The following MKX variants were observed in gnomAD, a reference collection of about 807,000 sequenced individuals.
The protein encoded by MKX is homeobox protein Mohawk.
Under a neutral mutation model 36.0 loss-of-function variants are expected in MKX, and 13 were observed. That is an observed-to-expected ratio of 0.36 (90% confidence interval 0.24 to 0.57). MKX has a LOEUF of 0.57. Among genes scored for constraint, MKX ranks in the 20% least tolerant of loss-of-function variants. The pLI is 0.79. For missense variants in MKX, 458 were observed against 456.4 expected, an observed-to-expected ratio of 1.00 and a Z score of -0.03; for synonymous variants, 176 against 178.3, an observed-to-expected ratio of 0.99 and a Z score of 0.10.
In MKX at chr10:27,720,323, A is replaced by G. The variant is rs1047566864; in HGVS notation, c.838+14133T>C. Among the ~76,000 whole-genome samples the G allele has an allele frequency of 2.1e-5, 3 of 145,324 alleles. No homozygotes were observed. In the South Asian group the frequency reaches 6.6e-4, roughly 32 times the overall value. On this transcript the variant is annotated intron_variant, in intron 5 of 6. Coordinates refer to ENST00000419761, the MANE Select transcript of MKX (RefSeq NM_173576.3). ...AAAACTGTGCAAGGAGACCATTAGG[A>G]AAAAAAAAAAGAAAGCTAAAGACAA...
chr10:27,735,505 G>A (rs1158617375), intron 3 of MKX, 131 bp from the exon 4 acceptor site: 10 of 625,606 alleles, frequency 1.6e-5, no homozygotes, highest in East Asian at 3.1e-5. Context: ...TAAGAATACC[G>A]GACATTCGCA....
chr10:27,700,811 C>A (rs1029017946), intron 5 of MKX, among the ~76,000 whole-genome samples: 1 of 152,116 alleles, frequency 6.6e-6, no homozygotes, highest in Non-Finnish European at 1.5e-5. Flanking sequence ...GAAAAATCAT[C>A]CACTAAACAC....
chr10:27,721,378 A>G (rs1016139473), intron 5 of MKX, among the ~76,000 whole-genome samples: 3 of 152,232 alleles, frequency 2.0e-5, no homozygotes, highest in African/African-American at 7.2e-5. Context: ...ACCAACCCAA[A>G]TGCCCATCAA....
chr10:27,683,382 T>A (rs1431696090), intron 5 of MKX, among the ~76,000 whole-genome samples: 1 of 152,280 alleles, frequency 6.6e-6, no homozygotes. Flanking sequence ...GCAGCCTCGG[T>A]ATGCAGAAGG....
rs1380343126 is a variant in MKX at position 27,742,890 on chromosome 10, C to T, written c.188+338G>A. On this transcript the variant is annotated intron_variant, in intron 2 of 6. Coordinates refer to ENST00000419761, the MANE Select transcript of MKX (RefSeq NM_173576.3). This position sits in a 1 kb window ranked among gnomAD's most constrained non-coding sequence, Gnocchi z 4.2. Reference sequence around the variant, plus strand: ...TCTGCACCGAGCTCAGTCCTTTTTCCTCGCCCTCAGCCGCGCACCGGCACC... The same window carrying T: ...TCTGCACCGAGCTCAGTCCTTTTTCTTCGCCCTCAGCCGCGCACCGGCACC... Among the ~76,000 whole-genome samples, 1 of 152,154 alleles carries T rather than the reference C, an allele frequency of 6.6e-6. No individual in the cohort carries two copies. Among genetic ancestry groups the T allele is most frequent in the Non-Finnish European group, 1.5e-5 (1 of 68,018 alleles).
intron 5 of MKX, chr10:27,718,564 A>T (rs757162939): frequency 3.8e-5 from 17 of 444,872 alleles, no homozygotes; most frequent in South Asian, 2.4e-4. Context: ...AAAAAATCCC[A>T]GGAGTCCTCA....
Position 27,673,286 on chromosome 10 carries a change from A to T in MKX, c.*1943T>A, listed in dbSNP as rs1224864038. ...ATAGAAGAAATTTGCTGATTTTTTT[A>T]AAAAGATGGCAAACATGAATCATGA... is the stretch of plus-strand genomic sequence containing the variant. On this transcript the variant is annotated 3_prime_UTR_variant, in exon 7 of 7. Transcript: ENST00000419761. The T allele has an allele frequency of 2.6e-5, 4 of 152,528 alleles. No homozygotes were observed. The highest frequency in any genetic ancestry group is 6.5e-5 in the Admixed American group (1 of 15,280). The allele number at this position is 152,528 out of a possible 1,614,324, so 9.4% of individuals were successfully genotyped here.
rs147508275 is a variant in MKX at position 27,736,006 on chromosome 10, G to A, written c.349-632C>T. ...TTTCTGAGGATAAAATGATGTGTTT[G>A]GCTTGGGCAATGTCTAGTTTGAGGT... On this transcript the variant is annotated intron_variant, in intron 3 of 6. Coordinates refer to ENST00000419761, the MANE Select transcript of MKX (RefSeq NM_173576.3). 3.4e-3 allele frequency among the ~76,000 whole-genome samples: 523 copies of A among 152,280 alleles called. 3 individuals are homozygous for A. Among genetic ancestry groups the A allele is most frequent in the African/African-American group, 0.011 (469 of 41,562 alleles).
chr10:27,734,464 T>C lies in MKX; in HGVS notation c.830A>G (p.Tyr277Cys), dbSNP rs750113734. Residue 277 changes from tyrosine (Y) to cysteine (C), a missense_variant, in exon 5 of 7, where the codon TAT (tyrosine) becomes TGT (cysteine). This residue lies in a region of MKX where 297 missense variants were observed against 304.4 expected (regional missense o/e 0.98). Coordinates refer to ENST00000419761, the MANE Select transcript of MKX (RefSeq NM_173576.3). ...AGAAAGCACGGACTTACCTGTGCGA[T>C]AGACAAAGTTGCCTTCAGTTTCTGA... Reference protein sequence around the residue: ...SSSETEGNFVYRTDTLENGSN... With the variant: ...SSSETEGNFVCRTDTLENGSN... The C allele has an allele frequency of 3.0e-5, 49 of 1,613,870 alleles. No individual in the cohort carries two copies. Among genetic ancestry groups the C allele is most frequent in the Non-Finnish European group, 4.2e-5 (49 of 1,179,914 alleles).
At chr10:27,693,926 G>A (rs1353295216) in intron 5 of MKX, among the ~76,000 whole-genome samples, 1 of 152,158 alleles carries the variant, frequency 6.6e-6, no homozygotes, top group African/African-American at 2.4e-5. Context: ...CATGGGGACA[G>A]GTCTTTTCCA....
intron 5 of MKX, among the ~76,000 whole-genome samples, chr10:27,724,756 TACAC>T (rs55968845): frequency 4.0e-4 from 57 of 141,478 alleles, no homozygotes; most frequent in African/African-American, 6.1e-4. Context: ...TACTACTACC[TACAC>T]ACACACACAC....
intron 5 of MKX, among the ~76,000 whole-genome samples, chr10:27,710,948 T>C (rs1836840182): frequency 6.6e-6 from 1 of 152,226 alleles, no homozygotes; most frequent in Admixed American, 6.5e-5. Context: ...CGTAAGCCAC[T>C]GTGCTCAGCC....
rs552594447 is a variant in MKX at position 27,685,494 on chromosome 10, G to A, written c.839-9940C>T. 3.8e-3 allele frequency among the ~76,000 whole-genome samples: 568 copies of A among 149,498 alleles called. 5 individuals are homozygous for A. Among genetic ancestry groups the A allele is most frequent in the African/African-American group, 0.014 (550 of 40,458 alleles). ...GACGGAGTCCCGCTCTGTTGCCCAG[G>A]CTGGAGTGCTGTGGCACGATCTCGG... On this transcript the variant is annotated intron_variant, in intron 5 of 6. Coordinates refer to ENST00000419761, the MANE Select transcript of MKX (RefSeq NM_173576.3).
rs1336536604 is a variant in MKX, at chr10:27,674,630, T to C, written c.*599A>G. On this transcript the variant is annotated 3_prime_UTR_variant, in exon 7 of 7. Coordinates refer to ENST00000419761, the MANE Select transcript of MKX (RefSeq NM_173576.3). ...CACTTCTTAAATGTACAACGTTCTG[T>C]GGATCGCTGCACCTTGAATTTTGGA... 6.6e-6 allele frequency: 1 copy of C among 152,268 alleles called. No individual in the cohort carries two copies. The highest frequency in any genetic ancestry group is 2.1e-4 in the South Asian group (1 of 4,836). 9.4% of individuals were successfully genotyped at this position (152,268 alleles called of 1,614,324 possible). A position where few individuals can be genotyped will look rare whatever the true frequency, so the allele number is the denominator to read the frequency against.
rs1554772224 is a variant in MKX at position 27,711,499 on chromosome 10, T to TCTCTTCCTTCC, written c.838+22956_838+22957insGGAAGGAAGAG. Among the ~76,000 whole-genome samples, 107 of 93,024 alleles carry TCTCTTCCTTCC rather than the reference T, an allele frequency of 1.2e-3. 2 individuals carry two copies. The highest frequency in any genetic ancestry group is 8.7e-3 in the Admixed American group (78 of 8,978). The allele number at this position is 93,024 out of a possible 152,430, so 61.0% of individuals were successfully genotyped here. A position where few individuals can be genotyped will look rare whatever the true frequency, so the allele number is the denominator to read the frequency against. Reference sequence around the variant, plus strand: ...TCTTTCTTTCTCTCTCTCTCTCTTCTTTCCTTCCTTCCTTCCTTCCTTCCT... The same window carrying TCTCTTCCTTCC: ...TCTTTCTTTCTCTCTCTCTCTCTTCTCTCTTCCTTCCTTCCTTCCTTCCTTCCTTCCTTCCT... On this transcript the variant is annotated intron_variant, in intron 5 of 6. Transcript: ENST00000419761.
rs936498820 is a variant in MKX, at chr10:27,686,569, T to G, written c.839-11015A>C. Among the ~76,000 whole-genome samples the G allele has an allele frequency of 3.3e-5, 5 of 151,030 alleles. No individual in the cohort carries two copies. In the South Asian group the frequency reaches 1.0e-3, roughly 32 times the overall value. On this transcript the variant is annotated intron_variant, in intron 5 of 6. Coordinates refer to ENST00000419761, the MANE Select transcript of MKX (RefSeq NM_173576.3). ...TCGGCTCACTGCAACCTCTACCTCC[T>G]GGGTTCAAGCGATTCTCCTGCCTCA...
intron 1 of MKX, among the ~76,000 whole-genome samples, chr10:27,745,118 C>A (rs963521489): frequency 5.9e-5 from 9 of 152,204 alleles, no homozygotes; most frequent in Admixed American, 3.9e-4. Flanking sequence ...CCTTCCCCGG[C>A]CCGGCCTTCT....
At chr10:27,737,166 C>T (rs925231005) in intron 3 of MKX, among the ~76,000 whole-genome samples, 4 of 152,154 alleles carry the variant, frequency 2.6e-5, no homozygotes, top group Admixed American at 2.0e-4. Context: ...TCCCTTTCTT[C>T]ATGAAATTTC....
At chr10:27,713,517 G>A (rs148917382) in intron 5 of MKX, among the ~76,000 whole-genome samples, 157 of 152,326 alleles carry the variant, frequency 1.0e-3, no homozygotes, top group African/African-American at 3.6e-3. Flanking sequence ...GAAAGAGCCT[G>A]AACCAGGAGC....
Sources: gnomAD v4.1 joint callset for allele counts (sites outside exome capture counted in the v4.1 genomes callset) on GRCh38, gnomAD v4.1.1 for gene constraint, gnomAD v4.1.1 regional missense constraint, Gnocchi (gnomAD v3.1) non-coding constraint, MANE v1.5 for transcripts, NCBI Gene and HGNC (gene_info 2026-07-23, HGNC 2026-07-21) for gene names.